FAM81A: variants seen among roughly 807,000 people sequenced by gnomAD.
FAM81A encodes family with sequence similarity 81 member A, also known as protein FAM81A.
In FAM81A, 19 loss-of-function variants were observed where a neutral mutation model predicts 46.7. The observed-to-expected ratio is 0.41, with a 90% CI of 0.28 to 0.60. The LOEUF is 0.60. FAM81A is among the 20% of genes least tolerant of loss of function. The pLI is 0.34. For synonymous variants in FAM81A, 183 were observed against 152.9 expected, an observed-to-expected ratio of 1.20 and a Z score of -1.45; for missense variants, 377 against 453.5, an observed-to-expected ratio of 0.83 and a Z score of 1.53.
intron 1 of FAM81A, among the ~76,000 whole-genome samples, chr15:59,447,989 G>A (rs575480205): frequency 8.1e-4 from 124 of 152,312 alleles, no homozygotes; most frequent in Non-Finnish European, 1.3e-3. Context: ...TGGTCAAGCA[G>A]TCTTCTCACT....
At chr15:59,448,852 C>T (rs536767261) in intron 1 of FAM81A, among the ~76,000 whole-genome samples, 3 of 152,026 alleles carry the variant, frequency 2.0e-5, no homozygotes, top group African/African-American at 2.4e-5. Flanking sequence ...GTTGTAGAGA[C>T]GGGGGCATTG....
intron 4 of FAM81A, among the ~76,000 whole-genome samples, chr15:59,496,797 G>A (rs1015349634): frequency 2.6e-5 from 4 of 151,950 alleles, no homozygotes; most frequent in African/African-American, 4.8e-5. Context: ...TCAAGATTGT[G>A]TTAGCTGTTT....
intron 3 of FAM81A, among the ~76,000 whole-genome samples, chr15:59,483,391 A>T (rs563857706): frequency 6.6e-6 from 1 of 152,268 alleles, no homozygotes; most frequent in East Asian, 1.9e-4. Context: ...ACTGAGGGAA[A>T]CACAGAATAT....
At chr15:59,504,956 T>C (rs1419401798) in intron 4 of FAM81A, among the ~76,000 whole-genome samples, 1 of 152,220 alleles carries the variant, frequency 6.6e-6, no homozygotes, top group African/African-American at 2.4e-5. Flanking sequence ...CAGTTTGTAG[T>C]CATTGAACAT....
intron 1 of FAM81A, among the ~76,000 whole-genome samples, chr15:59,453,739 A>C (rs1173361745): frequency 6.6e-6 from 1 of 152,146 alleles, no homozygotes; most frequent in Non-Finnish European, 1.5e-5. Flanking sequence ...GAAAGCAAAA[A>C]AAAAAAATTT....
chr15:59,414,232 G>C (rs1204681732), intron 2 of FAM81A, among the ~76,000 whole-genome samples: 1 of 152,136 alleles, frequency 6.6e-6, no homozygotes, highest in Non-Finnish European at 1.5e-5. Flanking sequence ...GGGATTATAG[G>C]TGTGAGCCAC....
At chr15:59,491,799 C>G (rs1159265782) in intron 3 of FAM81A, among the ~76,000 whole-genome samples, 3 of 152,020 alleles carry the variant, frequency 2.0e-5, no homozygotes, top group Admixed American at 6.6e-5. Context: ...AACTCCGTCT[C>G]TATTAAAAAT....
intron 3 of FAM81A, 92 bp from the exon 4 acceptor site, chr15:59,492,179 A>T: frequency 2.2e-6 from 2 of 890,558 alleles, no homozygotes; most frequent in Non-Finnish European, 3.6e-6. Context: ...AGACTGAGTT[A>T]AACATTCTTA....
chr15:59,512,888 A>G (rs1442547856), intron 6 of FAM81A, among the ~76,000 whole-genome samples: 1 of 152,236 alleles, frequency 6.6e-6, no homozygotes, highest in Non-Finnish European at 1.5e-5. Flanking sequence ...ACTTTGATGC[A>G]TCATGAGGCT....
In FAM81A at chr15:59,523,336, TGTGCCTCCCA is replaced by T. The variant is rs1378230091; in HGVS notation, c.*1960_*1969del. The T allele has an allele frequency of 6.6e-6, 1 of 152,254 alleles. No homozygotes were observed. The allele number at this position is 152,254 out of a possible 1,614,324, so 9.4% of individuals were successfully genotyped here. On this transcript the variant is annotated 3_prime_UTR_variant, in exon 9 of 9. Coordinates refer to ENST00000288228, the MANE Select transcript of FAM81A (RefSeq NM_152450.3). Reference sequence around the variant, plus strand: ...GTTGGGAAATCTACTGATGCCCCGCTGTGCCTCCCAGACCGATTAAGTCAGAACCTCTGGG... The same window carrying T: ...GTTGGGAAATCTACTGATGCCCCGCTGACCGATTAAGTCAGAACCTCTGGG...
At chr15:59,412,066 G>A (rs1482267608) in intron 2 of FAM81A, among the ~76,000 whole-genome samples, 1 of 151,992 alleles carries the variant, frequency 6.6e-6, no homozygotes, top group Non-Finnish European at 1.5e-5. Context: ...AGAGTGAGGT[G>A]GGAGGGGCAG....
Position 59,492,357 on chromosome 15 carries a change from C to T in FAM81A, c.381C>T (p.Ser127=), listed in dbSNP as rs190181943. Residue 127 remains serine, a synonymous_variant, in exon 4 of 9, where the codon TCC becomes TCT. Coordinates refer to ENST00000288228, the MANE Select transcript of FAM81A (RefSeq NM_152450.3). ...ALKTLEMRQL[S]GLGDLRGRVA... is the part of the protein sequence containing the mutation. The stretch of plus-strand genomic sequence containing the variant: ...AGACCCTGGAGATGCGCCAGCTCTC[C>T]GGTTTGGGAGATCTTCGAGGAAGAG... 1,787 of 1,613,666 alleles carry T rather than the reference C, an allele frequency of 1.1e-3. 2 individuals carry two copies. The highest frequency in any genetic ancestry group is 1.4e-3 in the Non-Finnish European group (1,612 of 1,179,790).
chr15:59,469,030 A>G (rs1301402957), intron 3 of FAM81A, among the ~76,000 whole-genome samples: 1 of 152,172 alleles, frequency 6.6e-6, no homozygotes, highest in African/African-American at 2.4e-5. Context: ...TTGAATGAGT[A>G]TCTTAATCCT....
intron 3 of FAM81A, among the ~76,000 whole-genome samples, chr15:59,462,199 T>C (rs1317407701): frequency 1.5e-5 from 2 of 131,066 alleles, no homozygotes; most frequent in Admixed American, 1.6e-4. Flanking sequence ...CGAGACTGCA[T>C]CTCAAAAAAA....
At chr15:59,484,621 A>C (rs145481628) in intron 3 of FAM81A, among the ~76,000 whole-genome samples, 321 of 152,330 alleles carry the variant, frequency 2.1e-3, no homozygotes, top group African/African-American at 7.4e-3. Context: ...AGCAGTGATA[A>C]GCAAGTAGTG....
At chr15:59,443,124 C>G (rs2081318285) in intron 1 of FAM81A, among the ~76,000 whole-genome samples, 1 of 152,168 alleles carries the variant, frequency 6.6e-6, no homozygotes, top group African/African-American at 2.4e-5. Context: ...GCTCGGTTGC[C>G]CAGGGCGGAA....
intron 1 of FAM81A, among the ~76,000 whole-genome samples, chr15:59,458,268 G>C (rs1404922216): frequency 6.6e-6 from 1 of 152,182 alleles, no homozygotes; most frequent in African/African-American, 2.4e-5. Context: ...CAGATTTGGA[G>C]TGAGGAAACT....
intron 2 of FAM81A, among the ~76,000 whole-genome samples, chr15:59,405,935 C>G (rs1482657452): frequency 6.6e-6 from 1 of 152,210 alleles, no homozygotes; most frequent in Non-Finnish European, 1.5e-5. Context: ...CTGGAACAGT[C>G]AGTCACCTAG....
At chr15:59,407,780 TG>T in intron 2 of FAM81A, 1 of 231,460 alleles carries the variant, frequency 4.3e-6, no homozygotes, top group Non-Finnish European at 8.3e-6. Flanking sequence ...TCCCCTTTGC[TG>T]GCAGCTTTCT....
Sources: gnomAD v4.1 joint callset for allele counts (sites outside exome capture counted in the v4.1 genomes callset) on GRCh38, gnomAD v4.1.1 for gene constraint, MANE v1.5 for transcripts, NCBI Gene and HGNC (gene_info 2026-07-23, HGNC 2026-07-21) for gene names.